CALN1: variants seen among roughly 807,000 people sequenced by gnomAD.
The protein encoded by CALN1 is calcium-binding protein 8.
CALN1 carries 17 observed loss-of-function variants against 30.6 expected under a neutral mutation model. The observed-to-expected ratio is 0.56, with a 90% CI of 0.38 to 0.83. The LOEUF is 0.83. CALN1 is among the 40% of genes least tolerant of loss of function. The probability of loss-of-function intolerance (pLI) is 0.00; values close to 1 mark genes in which losing one functional copy is unlikely to be tolerated. For missense variants in CALN1, 291 were observed against 354.9 expected, an observed-to-expected ratio of 0.82 and a Z score of 1.45; for synonymous variants, 156 against 131.4, an observed-to-expected ratio of 1.19 and a Z score of -1.28.
intron 3 of CALN1, among the ~76,000 whole-genome samples, chr7:72,267,332 GC>G (rs1796663332): frequency 6.6e-6 from 1 of 152,156 alleles, no homozygotes; most frequent in African/African-American, 2.4e-5. Context: ...ACAGAAACCA[GC>G]CCCCCTCCTG....
At chr7:72,149,334 G>T (rs548784075) in intron 3 of CALN1, among the ~76,000 whole-genome samples, 2 of 152,028 alleles carry the variant, frequency 1.3e-5, no homozygotes, top group Admixed American at 6.5e-5. Context: ...TGGGCGTGGT[G>T]GCAGTCGCCT....
intron 2 of CALN1, among the ~76,000 whole-genome samples, chr7:72,362,328 T>C (rs1364357338): frequency 6.6e-6 from 1 of 152,176 alleles, no homozygotes; most frequent in Non-Finnish European, 1.5e-5. Context: ...TTCCACCATG[T>C]ACAGTCGCAA....
the CALN1 span, among the ~76,000 whole-genome samples, chr7:72,456,243 C>A: frequency 2.0e-5 from 3 of 150,938 alleles, no homozygotes; most frequent in Admixed American, 6.6e-5. Flanking sequence ...TCCTTCATGG[C>A]TGGGCTTGGT....
intron 3 of CALN1, among the ~76,000 whole-genome samples, chr7:72,175,555 T>C (rs903752190): frequency 1.1e-4 from 16 of 152,072 alleles, no homozygotes; most frequent in African/African-American, 3.9e-4. Flanking sequence ...CATTTGGAGA[T>C]GGCAAACTTC....
chr7:72,233,782 T>A (rs1275442473), intron 3 of CALN1, among the ~76,000 whole-genome samples: 2 of 152,046 alleles, frequency 1.3e-5, no homozygotes, highest in African/African-American at 4.8e-5. Context: ...GGCAGGCGGA[T>A]AATCTGAGGT....
At chr7:71,911,309 G>A (rs963448447) in intron 5 of CALN1, among the ~76,000 whole-genome samples, 1 of 152,174 alleles carries the variant, frequency 6.6e-6, no homozygotes, top group Admixed American at 6.5e-5. Flanking sequence ...TTTCAAATGT[G>A]TAGAGATCTT....
chr7:71,796,638 G>A (rs530503172), intron 6 of CALN1, among the ~76,000 whole-genome samples: 7 of 152,208 alleles, frequency 4.6e-5, no homozygotes, highest in South Asian at 2.1e-4. Context: ...GATTACAGGC[G>A]TGAGCCACCG....
At chr7:72,487,895 AAAGAAAGAAAG>A in the CALN1 span, among the ~76,000 whole-genome samples, 2 of 81,072 alleles carry the variant, frequency 2.5e-5, no homozygotes, top group African/African-American at 6.1e-5. Flanking sequence ...AAAAGAAAAG[AAAGAAAGAAAG>A]AAAGAAAGAA....
chr7:72,467,940 T>A, the CALN1 span, among the ~76,000 whole-genome samples: 1 of 152,342 alleles, frequency 6.6e-6, no homozygotes, highest in African/African-American at 2.4e-5. Flanking sequence ...GATTTACCTA[T>A]ATTCTGGATA....
intron 4 of CALN1, among the ~76,000 whole-genome samples, chr7:72,041,156 A>G (rs1429073560): frequency 6.6e-6 from 1 of 152,150 alleles, no homozygotes; most frequent in Non-Finnish European, 1.5e-5. Flanking sequence ...GACAAAGGAC[A>G]ATGGGAACAA....
chr7:72,216,403 C>T (rs1441942753), intron 3 of CALN1, among the ~76,000 whole-genome samples: 2 of 115,270 alleles, frequency 1.7e-5, no homozygotes, highest in African/African-American at 3.5e-5. Context: ...TGACACAAGA[C>T]CCTATGTCTT....
At chr7:72,017,848 C>T (rs1347334426) in intron 5 of CALN1, among the ~76,000 whole-genome samples, 2 of 152,072 alleles carry the variant, frequency 1.3e-5, no homozygotes, top group East Asian at 3.9e-4. Context: ...GTCACTCTGG[C>T]CGAGGTGTTC....
At chr7:72,237,250 C>G (rs1043867055) in intron 3 of CALN1, among the ~76,000 whole-genome samples, 3 of 152,122 alleles carry the variant, frequency 2.0e-5, no homozygotes, top group Admixed American at 6.6e-5. Flanking sequence ...TCCCAAAGTG[C>G]TAGGATTACA....
chr7:72,162,637 G>T (rs1315621264), intron 3 of CALN1, among the ~76,000 whole-genome samples: 1 of 152,092 alleles, frequency 6.6e-6, no homozygotes, highest in Non-Finnish European at 1.5e-5. Context: ...TACTCAGGAG[G>T]CCGAGGCAAG....
chr7:72,264,548 C>T (rs1449480247), intron 3 of CALN1, among the ~76,000 whole-genome samples: 1 of 150,920 alleles, frequency 6.6e-6, no homozygotes, highest in East Asian at 1.9e-4. Flanking sequence ...GGCTGGAGTG[C>T]AGTGGTGCGA....
At chr7:72,070,813 G>A (rs756795761) in intron 4 of CALN1, among the ~76,000 whole-genome samples, 1 of 152,096 alleles carries the variant, frequency 6.6e-6, no homozygotes, top group Non-Finnish European at 1.5e-5. Flanking sequence ...GTTTTTATAA[G>A]GTCTCCTCCC....
chr7:71,836,164 G>C (rs1439747507), intron 5 of CALN1, among the ~76,000 whole-genome samples: 2 of 152,222 alleles, frequency 1.3e-5, no homozygotes, highest in African/African-American at 4.8e-5. Flanking sequence ...GCTGAGCCCA[G>C]CCTGGATCAA....
the CALN1 span, among the ~76,000 whole-genome samples, chr7:72,503,950 C>G: frequency 6.6e-6 from 1 of 152,122 alleles, no homozygotes; most frequent in African/African-American, 2.4e-5. Flanking sequence ...TTTTGTATGA[C>G]TGCCCCTATT....
the CALN1 span, among the ~76,000 whole-genome samples, chr7:72,462,108 A>G: frequency 6.6e-6 from 1 of 151,976 alleles, no homozygotes; most frequent in Non-Finnish European, 1.5e-5. Context: ...AAGACCAACT[A>G]TATGTTTCAC....
Sources: allele counts gnomAD v4.1 joint callset (sites outside exome capture counted in the v4.1 genomes callset), GRCh38; gene constraint gnomAD v4.1.1; transcripts MANE v1.5; gene names NCBI Gene and HGNC (gene_info 2026-07-23, HGNC 2026-07-21).